Variants in AXIN1 observed in about 807,000 individuals in gnomAD.
AXIN1 encodes axin-1.
In AXIN1, 30 loss-of-function variants were observed where a neutral mutation model predicts 76.4. That is an observed-to-expected ratio of 0.39 (90% CI 0.29 to 0.53). The LOEUF is 0.53. Ranked by LOEUF, AXIN1 falls within the 20% of genes least tolerant of loss-of-function variation. AXIN1 has a pLI of 0.66. For missense variants in AXIN1, 1,140 were observed against 1,198.8 expected (o/e 0.95, Z 0.72); for synonymous variants, 545 against 501.4 (o/e 1.09, Z -1.16).
At chr16:294,133 C>T (rs923387713) in intron 7 of AXIN1, among the ~76,000 whole-genome samples, 1 of 152,110 alleles carries the variant, frequency 6.6e-6, no homozygotes, top group Non-Finnish European at 1.5e-5. Context: ...CGCACTCCAG[C>T]CTGGGTGACA....
At position 351,780 on chromosome 16, in the gene AXIN1, G is replaced by C. The variant is rs148668190; in HGVS notation, c.-82+589C>G. 1.2e-3 allele frequency among the ~76,000 whole-genome samples: 183 copies of C among 152,132 alleles called. 1 individual carries two copies. Among genetic ancestry groups the C allele is most frequent in the African/African-American group, 4.2e-3 (173 of 41,506 alleles). ...TATATATATCTTATAGATGGGCTGA[G>C]AAAAATCCCCAGAGAACTGACATGT... is the stretch of plus-strand genomic sequence containing the variant. On this transcript the variant is annotated intron_variant, in intron 1 of 10. Transcript: ENST00000262320.
At chr16:329,026 A>G (rs1197443513) in intron 2 of AXIN1, among the ~76,000 whole-genome samples, 1 of 152,186 alleles carries the variant, frequency 6.6e-6, no homozygotes, top group Non-Finnish European at 1.5e-5. Flanking sequence ...CTGTAATCCC[A>G]GCACTTTGGA....
intron 9 of AXIN1, 138 bp from the exon 10 acceptor site, chr16:289,745 C>A: frequency 9.9e-7 from 1 of 1,008,102 alleles, no homozygotes; most frequent in Non-Finnish European, 1.5e-6. Flanking sequence ...CACCTGGGGC[C>A]CGCAGCCCCC....
At position 293,261 on chromosome 16, in the gene AXIN1, G is replaced by A. The variant is rs1000174490; in HGVS notation, c.2186+227C>T. ...ACCCCGCCTCCAGAGCAATGAGCGC[G>A]GCGGCCTCGGGTGTGTGAAAGCTCC... On this transcript the variant is annotated intron_variant, in intron 8 of 10. Coordinates refer to ENST00000262320, the MANE Select transcript of AXIN1 (RefSeq NM_003502.4). The surrounding 1 kb of genome is among the most constrained non-coding windows in gnomAD (Gnocchi z 4.6). The A allele has an allele frequency of 1.5e-5, 9 of 593,686 alleles. No individual in the cohort carries two copies. The highest frequency in any genetic ancestry group is 3.7e-5 in the African/African-American group (2 of 53,748). The allele number at this position is 593,686 out of a possible 1,614,324, so 36.8% of individuals were successfully genotyped here. A position where few individuals can be genotyped will look rare whatever the true frequency, so the allele number is the denominator to read the frequency against.
At chr16:330,426 AAT>A (rs2053671301) in intron 2 of AXIN1, among the ~76,000 whole-genome samples, 1 of 152,200 alleles carries the variant, frequency 6.6e-6, no homozygotes, top group Non-Finnish European at 1.5e-5. Flanking sequence ...AAAACTATGC[AAT>A]AATGTACATG....
At chr16:297,691 G>A in intron 6 of AXIN1, 31 bp downstream of exon 6, 1 of 1,575,844 alleles carries the variant, frequency 6.3e-7, no homozygotes, top group Non-Finnish European at 8.6e-7. Flanking sequence ...CTCACCCCAA[G>A]CCCCCTCCTC....
At chr16:324,222 C>A (rs566491934) in intron 2 of AXIN1, among the ~76,000 whole-genome samples, 1 of 152,208 alleles carries the variant, frequency 6.6e-6, no homozygotes, top group African/African-American at 2.4e-5. Flanking sequence ...GGCCACATTA[C>A]GGGTCGGCAC....
intron 7 of AXIN1, among the ~76,000 whole-genome samples, chr16:295,936 C>T (rs2052699594): frequency 6.6e-6 from 1 of 151,780 alleles, no homozygotes; most frequent in African/African-American, 2.4e-5. Context: ...CACTGCACTC[C>T]AGCCCGGGCG....
intron 3 of AXIN1, among the ~76,000 whole-genome samples, chr16:312,848 A>G (rs1461211260): frequency 6.6e-6 from 1 of 152,248 alleles, no homozygotes; most frequent in East Asian, 1.9e-4. Flanking sequence ...TGTTCTCCTC[A>G]TCTGAAATTC....
At chr16:335,737 G>C (rs1012940261) in intron 2 of AXIN1, among the ~76,000 whole-genome samples, 2 of 152,180 alleles carry the variant, frequency 1.3e-5, no homozygotes, top group East Asian at 3.8e-4. Flanking sequence ...GTTTCAACCA[G>C]AGTGGGAATA....
rs1401802800 is a variant in AXIN1 at position 293,564 on chromosome 16, G to A, written c.2110C>T (p.Leu704=). 2.5e-6 allele frequency: 4 copies of A among 1,612,202 alleles called. No individual in the cohort carries two copies. The highest frequency in any genetic ancestry group is 1.1e-5 in the South Asian group (1 of 91,072). The stretch of plus-strand genomic sequence containing the variant: ...CGGCGCGCCTCCTCCAGCTGGGTTA[G>A]GGGGTTGGGAGCTGGGTGGGGTGGC... ...TMPPHPAPNP[L]TQLEEARRRL... The change falls in exon 8 of 11, where the codon CTA becomes TTA. Residue 704 remains leucine (L), a synonymous_variant. Coordinates refer to ENST00000262320, the MANE Select transcript of AXIN1 (RefSeq NM_003502.4). This position sits in a 1 kb window ranked among gnomAD's most constrained non-coding sequence, Gnocchi z 4.6.
intron 9 of AXIN1, chr16:290,066 A>G: frequency 4.0e-6 from 1 of 248,094 alleles, no homozygotes; most frequent in Non-Finnish European, 8.0e-6. Flanking sequence ...GGGGGTGGCC[A>G]GCAGGCCCTT....
intron 4 of AXIN1, among the ~76,000 whole-genome samples, chr16:308,045 T>G (rs1464696669): frequency 6.6e-6 from 1 of 152,228 alleles, no homozygotes; most frequent in Non-Finnish European, 1.5e-5. Flanking sequence ...CCGATGAGGT[T>G]GTTTGCTGCA....
rs746540296 is a variant in AXIN1 at position 309,951 on chromosome 16, G to A, written c.1116+22C>T. On this transcript the variant is annotated intron_variant, in intron 4 of 10. Transcript: ENST00000262320. ...CTGAGCGGGGAGGACGATGGGCTGA[G>A]GACCGCAAAGCCGGTACTTACGGGA... 8 of 1,610,652 alleles carry A rather than the reference G, an allele frequency of 5.0e-6. No homozygotes were observed. In the African/African-American group the frequency reaches 6.7e-5, roughly 13 times the overall value.
intron 2 of AXIN1, among the ~76,000 whole-genome samples, chr16:329,655 G>C (rs1003661853): frequency 1.3e-5 from 2 of 150,602 alleles, no homozygotes; most frequent in African/African-American, 2.5e-5. Flanking sequence ...TCGCTATGTC[G>C]CCCAGGCTAG....
intron 5 of AXIN1, among the ~76,000 whole-genome samples, chr16:299,457 A>C (rs146077385): frequency 1.6e-3 from 236 of 151,676 alleles, no homozygotes; most frequent in African/African-American, 4.7e-3. Flanking sequence ...GGCTCAAGCA[A>C]TCCTCCTGCC....
At chr16:322,149 C>T (rs547278960) in intron 2 of AXIN1, among the ~76,000 whole-genome samples, 1 of 152,214 alleles carries the variant, frequency 6.6e-6, no homozygotes, top group Non-Finnish European at 1.5e-5. Context: ...GAAACCCAGG[C>T]AGCGCATGCC....
chr16:324,769 C>G (rs577815825), intron 2 of AXIN1, among the ~76,000 whole-genome samples: 6 of 152,182 alleles, frequency 3.9e-5, no homozygotes, highest in Non-Finnish European at 8.8e-5. Flanking sequence ...CCCGACCCCC[C>G]GGAACAGCAC....
At chr16:345,618 G>A (rs1309559256) in intron 2 of AXIN1, among the ~76,000 whole-genome samples, 1 of 152,056 alleles carries the variant, frequency 6.6e-6, no homozygotes, top group African/African-American at 2.4e-5. Context: ...GGAGGCTGAG[G>A]CAGGAGAATC....
Sources: gnomAD v4.1 joint callset for allele counts (sites outside exome capture counted in the v4.1 genomes callset) on GRCh38, gnomAD v4.1.1 for gene constraint, Gnocchi (gnomAD v3.1) non-coding constraint, MANE v1.5 for transcripts, NCBI Gene and HGNC (gene_info 2026-07-23, HGNC 2026-07-21) for gene names.